SLC24A2: variants seen among roughly 807,000 people sequenced by gnomAD.
SLC24A2 encodes the protein solute carrier family 24 member 2.
A neutral mutation model predicts 62.0 loss-of-function variants in SLC24A2; 36 were observed. The observed-to-expected ratio is 0.58, with a 90% CI of 0.44 to 0.77. The LOEUF (loss-of-function observed/expected upper bound fraction) is 0.77. SLC24A2 is among the 30% of genes least tolerant of loss of function. SLC24A2 has a pLI of 0.00. For synonymous variants in SLC24A2, 358 were observed against 294.0 expected, an observed-to-expected ratio of 1.22 and a Z score of -2.23; for missense variants, 846 against 817.9, an observed-to-expected ratio of 1.03 and a Z score of -0.42.
chr9:20,262,877 G>A, the SLC24A2 span, among the ~76,000 whole-genome samples: 1 of 130,398 alleles, frequency 7.7e-6, no homozygotes, highest in African/African-American at 3.0e-5. Flanking sequence ...CTATTCTGCA[G>A]GGTTGGTTTT....
the SLC24A2 span, among the ~76,000 whole-genome samples, chr9:20,239,952 C>T: frequency 1.3e-5 from 2 of 150,672 alleles, no homozygotes; most frequent in African/African-American, 4.9e-5. Context: ...TTTCAATTTG[C>T]CCATGAATGG....
At chr9:20,108,173 G>A in the SLC24A2 span, among the ~76,000 whole-genome samples, 2 of 152,146 alleles carry the variant, frequency 1.3e-5, no homozygotes, top group Admixed American at 6.5e-5. Flanking sequence ...AGTTAGAATG[G>A]CAATCATTAA....
the SLC24A2 span, among the ~76,000 whole-genome samples, chr9:19,849,497 CATT>C: frequency 6.6e-6 from 1 of 152,108 alleles, no homozygotes; most frequent in Non-Finnish European, 1.5e-5. Flanking sequence ...AATGAAAAGA[CATT>C]GTACTACTAT....
At position 19,786,754 on chromosome 9, in the gene SLC24A2, C is replaced by A. The variant is rs1260069416; in HGVS notation, c.113G>T (p.Arg38Leu). Residue 38 changes from arginine (R) to leucine (L), a missense_variant, in exon 2 of 11, where the codon CGA becomes CTA. Arg to Leu is a moderately radical substitution (Grantham distance 102). Transcript: ENST00000341998. The surrounding 1 kb of genome is among the most constrained non-coding windows in gnomAD (Gnocchi z 5.0). ...CAGACCCATGAAAAGGCCTAAGACT[C>A]GAATTAACTTCAGTTTTTTCTTGAC... ...YSVKKKLKLI[R>L]VLGLFMGLVA... The A allele has an allele frequency of 6.2e-7, 1 of 1,601,348 alleles. No individual in the cohort carries two copies. Among genetic ancestry groups the A allele is most frequent in the South Asian group, 1.1e-5 (1 of 89,360 alleles).
At chr9:20,176,155 T>C in the SLC24A2 span, among the ~76,000 whole-genome samples, 5 of 152,172 alleles carry the variant, frequency 3.3e-5, no homozygotes, top group South Asian at 2.1e-4. Flanking sequence ...TTTTTGGTCA[T>C]GGTTCTAGGC....
chr9:19,873,484 C>CT, the SLC24A2 span, among the ~76,000 whole-genome samples: 2 of 135,972 alleles, frequency 1.5e-5, no homozygotes, highest in African/African-American at 5.6e-5. Flanking sequence ...TCTCTCCTTC[C>CT]TTCCTTCTCT....
the SLC24A2 span, among the ~76,000 whole-genome samples, chr9:19,829,810 T>TAC: frequency 0.07 from 2,387 of 33,866 alleles, 44 homozygotes; most frequent in Non-Finnish European, 0.13. Flanking sequence ...TATATATATA[T>TAC]ACACACACAC....
intron 2 of SLC24A2, among the ~76,000 whole-genome samples, chr9:19,681,671 T>G (rs1316850826): frequency 6.6e-6 from 1 of 152,092 alleles, no homozygotes; most frequent in African/African-American, 2.4e-5. Context: ...AAAAAAGGTT[T>G]TGGAGGAAAA....
the SLC24A2 span, among the ~76,000 whole-genome samples, chr9:20,264,135 AGGT>A: frequency 6.6e-6 from 1 of 152,184 alleles, no homozygotes; most frequent in South Asian, 2.1e-4. Context: ...AGAGATGCTC[AGGT>A]GTAACAAAGG....
the SLC24A2 span, among the ~76,000 whole-genome samples, chr9:20,258,411 G>A: frequency 1.3e-5 from 2 of 152,188 alleles, no homozygotes; most frequent in African/African-American, 2.4e-5. Flanking sequence ...CTGGCATGTG[G>A]GTCAGTGGAC....
At chr9:20,074,961 T>C in the SLC24A2 span, among the ~76,000 whole-genome samples, 3 of 152,172 alleles carry the variant, frequency 2.0e-5, no homozygotes, top group African/African-American at 4.8e-5. Flanking sequence ...TATGGGATTT[T>C]TGTCAAGTTA....
the SLC24A2 span, among the ~76,000 whole-genome samples, chr9:20,071,596 C>T: frequency 6.6e-6 from 1 of 152,274 alleles, no homozygotes; most frequent in Admixed American, 6.5e-5. Context: ...TATGGTGTTT[C>T]AGGAAAAACT....
At chr9:19,776,696 AGAAAAACTACTAC>A in intron 2 of SLC24A2, among the ~76,000 whole-genome samples, 1 of 152,246 alleles carries the variant, frequency 6.6e-6, no homozygotes, top group African/African-American at 2.4e-5. Context: ...AAATCATTTG[AGAAAAACTACTAC>A]ATGTAAGTCA....
chr9:19,912,749 C>T, the SLC24A2 span, among the ~76,000 whole-genome samples: 4 of 152,268 alleles, frequency 2.6e-5, no homozygotes, highest in South Asian at 6.2e-4. Context: ...ATCCCATCAA[C>T]CTGCATCCCT....
At chr9:19,882,612 A>C in the SLC24A2 span, among the ~76,000 whole-genome samples, 1 of 151,770 alleles carries the variant, frequency 6.6e-6, no homozygotes, top group Non-Finnish European at 1.5e-5. Flanking sequence ...TGTCAGCTTT[A>C]ACTTTCTGGG....
rs1819604512 is a variant in SLC24A2, at chr9:19,677,834, T to C, written c.931-55535A>G. On this transcript the variant is annotated intron_variant, in intron 2 of 10. Coordinates refer to ENST00000341998, the MANE Select transcript of SLC24A2 (RefSeq NM_020344.4). ...AGTATAAATATTCTATATAAACATA[T>C]ACATTTATTATATACTATATTAATA... Among the ~76,000 whole-genome samples, 4 of 149,728 alleles carry C rather than the reference T, an allele frequency of 2.7e-5. No homozygotes were observed. The South Asian group carries it at 6.2e-4, about 23-fold the overall frequency.
chr9:19,772,398 C>G (rs1405331981), intron 2 of SLC24A2, among the ~76,000 whole-genome samples: 1 of 152,162 alleles, frequency 6.6e-6, no homozygotes, highest in Non-Finnish European at 1.5e-5. Flanking sequence ...GGTTCCCAGG[C>G]TAGGAGCTGC....
At chr9:20,301,192 G>A in the SLC24A2 span, among the ~76,000 whole-genome samples, 1 of 152,140 alleles carries the variant, frequency 6.6e-6, no homozygotes, top group Non-Finnish European at 1.5e-5. Flanking sequence ...CTCAGCCTTT[G>A]GCAGGTGAAA....
chr9:20,114,993 G>C, the SLC24A2 span, among the ~76,000 whole-genome samples: 5 of 152,150 alleles, frequency 3.3e-5, no homozygotes, highest in African/African-American at 1.2e-4. Flanking sequence ...AGGCCAGAAG[G>C]TTGAAACTTA....
Sources: allele counts gnomAD v4.1 joint callset (sites outside exome capture counted in the v4.1 genomes callset), GRCh38; gene constraint gnomAD v4.1.1; non-coding constraint Gnocchi (gnomAD v3.1); transcripts MANE v1.5; gene names NCBI Gene and HGNC (gene_info 2026-07-23, HGNC 2026-07-21).